Variants in VEPH1 observed in about 807,000 individuals in gnomAD.
The protein encoded by VEPH1 is ventricular zone expressed PH domain containing 1, also known as ventricular zone-expressed PH domain-containing protein homolog 1.
VEPH1 carries 80 observed loss-of-function variants against 85.2 expected under a neutral mutation model. The observed-to-expected ratio is 0.94, with a 90% confidence interval of 0.78 to 1.13. The LOEUF (loss-of-function observed/expected upper bound fraction) is 1.13, where lower values mean the gene tolerates loss of function less well. Among genes scored for constraint, VEPH1 ranks in the 50% most tolerant of loss-of-function variants. The pLI is 0.00. For missense variants in VEPH1, 955 were observed against 980.5 expected (o/e 0.97, Z 0.35); for synonymous variants, 297 against 348.0 (o/e 0.85, Z 1.63).
At chr3:157,483,123 T>TACACACACACACAC (rs60205276) in intron 2 of VEPH1, among the ~76,000 whole-genome samples, 100 of 147,042 alleles carry the variant, frequency 6.8e-4, no homozygotes, top group African/African-American at 2.1e-3. Flanking sequence ...TTTAAAAGCA[T>TACACACACACACAC]ACACACACAC....
At chr3:157,364,177 G>A in intron 8 of VEPH1, 126 bp downstream of exon 8, 1 of 690,658 alleles carries the variant, frequency 1.4e-6, no homozygotes, top group Non-Finnish European at 2.4e-6. Context: ...TTTCATTCAT[G>A]TAAGGATGGC....
At chr3:157,286,504 T>A (rs1716788866) in intron 12 of VEPH1, 53 bp downstream of exon 12, 1 of 1,420,630 alleles carries the variant, frequency 7.0e-7, no homozygotes, top group Non-Finnish European at 9.9e-7. Flanking sequence ...AGCTGACAGA[T>A]CCCTGTAATT....
chr3:157,432,242 T>C (rs1351071187), intron 4 of VEPH1, among the ~76,000 whole-genome samples: 1 of 152,196 alleles, frequency 6.6e-6, no homozygotes, highest in Non-Finnish European at 1.5e-5. Context: ...TTTTTCTTAT[T>C]AATTTTTAGA....
chr3:157,443,171 T>C, intron 4 of VEPH1: 1 of 635,022 alleles, frequency 1.6e-6, no homozygotes, highest in Non-Finnish European at 2.5e-6. Flanking sequence ...GAAAAAGCTT[T>C]TGAGGATAAT....
At chr3:157,414,227 T>TG (rs2109036256) in intron 5 of VEPH1, 137 bp from the exon 6 acceptor site, 1 of 613,458 alleles carries the variant, frequency 1.6e-6, no homozygotes, top group East Asian at 2.8e-5. Flanking sequence ...TTACCCTCCT[T>TG]GGTACTCAGG....
At chr3:157,392,597 A>C (rs1334728622) in intron 6 of VEPH1, among the ~76,000 whole-genome samples, 1 of 149,356 alleles carries the variant, frequency 6.7e-6, no homozygotes, top group Non-Finnish European at 1.5e-5. Context: ...AACTATGCTA[A>C]CACTAATAAT....
At chr3:157,481,202 T>C (rs553938971) in intron 2 of VEPH1, among the ~76,000 whole-genome samples, 1 of 152,218 alleles carries the variant, frequency 6.6e-6, no homozygotes, top group South Asian at 2.1e-4. Flanking sequence ...ATCAGAACTT[T>C]GTCAGATGCA....
At chr3:157,486,485 C>CAA (rs576141960) in intron 2 of VEPH1, among the ~76,000 whole-genome samples, 1,584 of 118,350 alleles carry the variant, frequency 0.013, 40 homozygotes, top group African/African-American at 0.042. Context: ...GACTCTGACT[C>CAA]AAAAAAAAAA....
chr3:157,475,316 T>C (rs914311407), intron 2 of VEPH1, among the ~76,000 whole-genome samples: 3 of 152,064 alleles, frequency 2.0e-5, no homozygotes, highest in African/African-American at 7.2e-5. Context: ...TCTAAATCAT[T>C]TCCTAAGTCA....
At chr3:157,293,642 T>A (rs1717794120) in intron 11 of VEPH1, among the ~76,000 whole-genome samples, 1 of 152,146 alleles carries the variant, frequency 6.6e-6, no homozygotes, top group South Asian at 2.1e-4. Context: ...GAAAAAATAA[T>A]CTGACTACAG....
chr3:157,407,944 G>A (rs1343702370), intron 6 of VEPH1, among the ~76,000 whole-genome samples: 1 of 152,116 alleles, frequency 6.6e-6, no homozygotes, highest in East Asian at 1.9e-4. Context: ...GCCCATAGCT[G>A]GTGAGTGGCT....
intron 4 of VEPH1, among the ~76,000 whole-genome samples, 190 bp from the exon 5 acceptor site, chr3:157,428,678 G>T (rs916112266): frequency 6.6e-6 from 1 of 152,098 alleles, no homozygotes. Context: ...TTCCACAAAA[G>T]GAAATATTTT....
At chr3:157,479,305 CAATTTT>C (rs1737789737) in intron 2 of VEPH1, among the ~76,000 whole-genome samples, 1 of 152,136 alleles carries the variant, frequency 6.6e-6, no homozygotes, top group Non-Finnish European at 1.5e-5. Context: ...TAGCCATTGT[CAATTTT>C]AAAGTAATTT....
chr3:157,270,897 AT>A (rs1714460685), intron 12 of VEPH1, among the ~76,000 whole-genome samples: 1 of 152,212 alleles, frequency 6.6e-6, no homozygotes, highest in East Asian at 1.9e-4. Context: ...AAGAGCAGAA[AT>A]TCCACTTCTA....
At chr3:157,283,082 G>A (rs1716347067) in intron 12 of VEPH1, among the ~76,000 whole-genome samples, 1 of 152,172 alleles carries the variant, frequency 6.6e-6, no homozygotes, top group Admixed American at 6.5e-5. Flanking sequence ...TCTTCTTTAA[G>A]TAGAGTAAGT....
intron 7 of VEPH1, among the ~76,000 whole-genome samples, chr3:157,376,813 C>T (rs1057293072): frequency 2.0e-5 from 3 of 152,130 alleles, no homozygotes. Flanking sequence ...TAAAATCTGG[C>T]CTGCTGGGCT....
intron 11 of VEPH1, among the ~76,000 whole-genome samples, chr3:157,297,945 C>A (rs1718338236): frequency 1.3e-5 from 2 of 152,046 alleles, no homozygotes; most frequent in South Asian, 4.1e-4. Context: ...TAATTAGACA[C>A]ACACACAGGA....
intron 12 of VEPH1, among the ~76,000 whole-genome samples, chr3:157,267,164 C>T (rs1713803663): frequency 7.0e-6 from 1 of 143,220 alleles, no homozygotes; most frequent in Non-Finnish European, 1.5e-5. Flanking sequence ...GGCACGATCT[C>T]AGCTCATTGC....
chr3:157,336,947 T>C (rs1237068018), intron 9 of VEPH1, among the ~76,000 whole-genome samples: 1 of 152,210 alleles, frequency 6.6e-6, no homozygotes, highest in Non-Finnish European at 1.5e-5. Flanking sequence ...ATGGGAAGTT[T>C]GCCAGCCTCT....
Sources: gnomAD v4.1 joint callset for allele counts (sites outside exome capture counted in the v4.1 genomes callset) on GRCh38, gnomAD v4.1.1 for gene constraint, MANE v1.5 for transcripts, NCBI Gene and HGNC (gene_info 2026-07-23, HGNC 2026-07-21) for gene names.